Variants in KCNN3 observed in about 807,000 individuals in gnomAD.
The protein encoded by KCNN3 is small conductance calcium-activated potassium channel protein 3.
In KCNN3, 16 loss-of-function variants were observed where a neutral mutation model predicts 62.9. The observed-to-expected ratio is 0.25, with a 90% confidence interval of 0.17 to 0.39. The LOEUF (loss-of-function observed/expected upper bound fraction) is 0.39, where lower values mean the gene tolerates loss of function less well. Ranked by LOEUF, KCNN3 falls within the 10% of genes least tolerant of loss-of-function variation. The pLI, the probability that KCNN3 is intolerant of heterozygous loss-of-function variation, is 1.00. For missense variants in KCNN3, 599 were observed against 949.4 expected (o/e 0.63, Z 4.85); for synonymous variants, 370 against 389.2 (o/e 0.95, Z 0.58).
At chr1:154,747,687 C>T (rs1700969592) in intron 3 of KCNN3, among the ~76,000 whole-genome samples, 5 of 152,170 alleles carry the variant, frequency 3.3e-5, no homozygotes, top group Admixed American at 2.0e-4. Context: ...TCTCCTGCAT[C>T]GCTGGAATCA....
intron 4 of KCNN3, among the ~76,000 whole-genome samples, chr1:154,726,683 G>T (rs1322463562): frequency 1.3e-5 from 2 of 152,324 alleles, no homozygotes; most frequent in East Asian, 3.9e-4. Context: ...CAAGGAATCG[G>T]TTCCTTCCTG....
chr1:154,808,821 G>A (rs1650285799), intron 2 of KCNN3, among the ~76,000 whole-genome samples: 1 of 152,192 alleles, frequency 6.6e-6, no homozygotes, highest in South Asian at 2.1e-4. Context: ...GCACCATAAA[G>A]AGCTGATAGG....
intron 3 of KCNN3, among the ~76,000 whole-genome samples, chr1:154,769,911 CATAGTGCAT>C (rs1331590570): frequency 6.6e-6 from 1 of 152,238 alleles, no homozygotes; most frequent in African/African-American, 2.4e-5. Context: ...GATTGCAGTA[CATAGTGCAT>C]ATATACACCT....
chr1:154,753,227 A>G lies in KCNN3; in HGVS notation c.1448+18748T>C, dbSNP rs142824106. Reference sequence around the variant, plus strand: ...AGATGTTTACTTTATTAAGTTTGTTATACATTTTCTCCAAAAAAGTCTAGC... The same window carrying G: ...AGATGTTTACTTTATTAAGTTTGTTGTACATTTTCTCCAAAAAAGTCTAGC... On this transcript the variant is annotated intron_variant, in intron 3 of 7. Coordinates refer to ENST00000271915, the MANE Select transcript of KCNN3 (RefSeq NM_002249.6). Among the ~76,000 whole-genome samples the G allele has an allele frequency of 4.1e-3, 625 of 152,292 alleles. 4 individuals carry two copies. The highest frequency in any genetic ancestry group is 0.015 in the African/African-American group (607 of 41,552).
intron 7 of KCNN3, among the ~76,000 whole-genome samples, chr1:154,712,970 A>C (rs906869163): frequency 7.2e-5 from 11 of 152,216 alleles, no homozygotes; most frequent in South Asian, 4.1e-4. Flanking sequence ...GCACCCCCCC[A>C]CACACACCAC....
At chr1:154,807,991 A>T (rs1172333496) in intron 2 of KCNN3, among the ~76,000 whole-genome samples, 1 of 151,480 alleles carries the variant, frequency 6.6e-6, no homozygotes, top group Non-Finnish European at 1.5e-5. Context: ...CCAGTGATTG[A>T]GGGGGGTTCA....
At chr1:154,859,338 G>C (rs912261093) in intron 1 of KCNN3, among the ~76,000 whole-genome samples, 1 of 152,244 alleles carries the variant, frequency 6.6e-6, no homozygotes, top group African/African-American at 2.4e-5. Context: ...GCCAACTCAG[G>C]CAAAGGGGCT....
chr1:154,813,005 ACAAT>A (rs1650481861), intron 2 of KCNN3, among the ~76,000 whole-genome samples: 1 of 152,208 alleles, frequency 6.6e-6, no homozygotes, highest in Non-Finnish European at 1.5e-5. Flanking sequence ...AATTCTGGCT[ACAAT>A]CAGAGTTCTC....
chr1:154,783,874 C>T (rs984168782), intron 2 of KCNN3, among the ~76,000 whole-genome samples: 4 of 152,176 alleles, frequency 2.6e-5, no homozygotes, highest in African/African-American at 9.7e-5. Flanking sequence ...TCACCCCTTC[C>T]CCTTGCTCCA....
intron 1 of KCNN3, among the ~76,000 whole-genome samples, chr1:154,849,829 T>C (rs1461002370): frequency 6.6e-6 from 1 of 152,194 alleles, no homozygotes; most frequent in Non-Finnish European, 1.5e-5. Context: ...TGGGTAATTC[T>C]TTGTTGTAGG....
intron 2 of KCNN3, among the ~76,000 whole-genome samples, chr1:154,819,794 T>C (rs1246373742): frequency 2.0e-5 from 3 of 152,044 alleles, no homozygotes; most frequent in African/African-American, 7.2e-5. Flanking sequence ...CAGGCAGTCG[T>C]GATAGTGACC....
chr1:154,782,403 G>T (rs924179089), intron 2 of KCNN3, among the ~76,000 whole-genome samples: 1 of 152,240 alleles, frequency 6.6e-6, no homozygotes, highest in African/African-American at 2.4e-5. Flanking sequence ...GTGCCAACAC[G>T]GTCAGGCTCT....
At chr1:154,775,661 G>T (rs906325645) in intron 2 of KCNN3, among the ~76,000 whole-genome samples, 1 of 146,620 alleles carries the variant, frequency 6.8e-6, no homozygotes, top group African/African-American at 2.5e-5. Flanking sequence ...TCTAATCAGG[G>T]AGCTGTCATC....
chr1:154,784,770 T>G (rs1221147506), intron 2 of KCNN3, among the ~76,000 whole-genome samples: 2 of 152,264 alleles, frequency 1.3e-5, no homozygotes, highest in Non-Finnish European at 2.9e-5. Context: ...CTGTGCTGTG[T>G]GCCTTACAGG....
chr1:154,847,939 C>A (rs1022783769), intron 1 of KCNN3, among the ~76,000 whole-genome samples: 1 of 152,248 alleles, frequency 6.6e-6, no homozygotes, highest in Non-Finnish European at 1.5e-5. Context: ...ACTCCCCCAG[C>A]TCCGACACGA....
rs552009417 is a variant in KCNN3, at chr1:154,724,714, A to G, written c.1701+1202T>C. On this transcript the variant is annotated intron_variant, in intron 5 of 7. Coordinates refer to ENST00000271915, the MANE Select transcript of KCNN3 (RefSeq NM_002249.6). ...AGCTAAATGGTCTACCCATTCCTGC[A>G]TATTTTCAGATTTTCATCTTCCATA... Among the ~76,000 whole-genome samples the G allele has an allele frequency of 7.9e-5, 12 of 152,334 alleles. No individual in the cohort carries two copies. The East Asian group carries it at 2.3e-3, about 29-fold the overall frequency.
intron 2 of KCNN3, among the ~76,000 whole-genome samples, chr1:154,783,555 C>T (rs1202068310): frequency 1.3e-5 from 2 of 152,244 alleles, no homozygotes; most frequent in African/African-American, 4.8e-5. Context: ...CCCACTTATG[C>T]ACCCCAGCAT....
chr1:154,742,043 C>T (rs1700832238), intron 3 of KCNN3, among the ~76,000 whole-genome samples: 1 of 152,266 alleles, frequency 6.6e-6, no homozygotes, highest in East Asian at 1.9e-4. Flanking sequence ...CTGGCATCTG[C>T]AGCGGCTCAC....
rs567011520 is a variant in KCNN3 at position 154,805,757 on chromosome 1, C to A, written c.1029+16332G>T. Among the ~76,000 whole-genome samples, 39 of 152,268 alleles carry A rather than the reference C, an allele frequency of 2.6e-4. 1 individual carries two copies. In the South Asian group the frequency reaches 4.4e-3, roughly 17 times the overall value. ...GTGACTTTGGGTATGTGATCTAATA[C>A]CCTAGCCTCAGTTTCCTCATCTACA... On this transcript the variant is annotated intron_variant, in intron 2 of 7. Coordinates refer to ENST00000271915, the MANE Select transcript of KCNN3 (RefSeq NM_002249.6).
Sources: allele counts gnomAD v4.1 joint callset (sites outside exome capture counted in the v4.1 genomes callset), GRCh38; gene constraint gnomAD v4.1.1; transcripts MANE v1.5; gene names NCBI Gene and HGNC (gene_info 2026-07-23, HGNC 2026-07-21).